RBFOX3: variants seen among roughly 807,000 people sequenced by gnomAD.
RBFOX3 encodes RNA binding fox-1 homolog 3.
RBFOX3 carries 17 observed loss-of-function variants against 48.7 expected under a neutral mutation model. The observed-to-expected ratio is 0.35, with a 90% CI of 0.24 to 0.52. The LOEUF is 0.52. RBFOX3 is among the 20% of genes least tolerant of loss of function. The pLI is 0.94. For synonymous variants in RBFOX3, 212 were observed against 209.5 expected (o/e 1.01, Z -0.10); for missense variants, 382 against 497.5 (o/e 0.77, Z 2.21).
At chr17:79,412,437 GTGAT>G (rs1360264486) in intron 2 of RBFOX3, among the ~76,000 whole-genome samples, 1 of 151,986 alleles carries the variant, frequency 6.6e-6, no homozygotes, top group African/African-American at 2.4e-5. Context: ...ATACATGTGT[GTGAT>G]ATGTGTGAGC....
chr17:79,261,703 G>A (rs927002046), intron 3 of RBFOX3, among the ~76,000 whole-genome samples: 45 of 152,326 alleles, frequency 3.0e-4, no homozygotes, highest in African/African-American at 1.1e-3. Context: ...CGGGTGGGCG[G>A]CAGGACCCTC....
intron 2 of RBFOX3, among the ~76,000 whole-genome samples, chr17:79,447,394 T>G (rs7218077): frequency 0.089 from 13,577 of 152,266 alleles, 862 homozygotes; most frequent in Non-Finnish European, 0.13. Context: ...CCTCCACAGA[T>G]GCCGTGTTTG....
intron 2 of RBFOX3, among the ~76,000 whole-genome samples, chr17:79,470,607 C>T (rs1313690161): frequency 1.3e-5 from 2 of 152,234 alleles, no homozygotes; most frequent in Non-Finnish European, 2.9e-5. Flanking sequence ...CCTCAGCCCC[C>T]AAGGGTGTGC....
In RBFOX3 at chr17:79,544,975, CAAAAAAAAAA is replaced by C. The variant is rs10584963; in HGVS notation, c.-319-62387_-319-62378del. Among the ~76,000 whole-genome samples, 6 of 81,642 alleles carry C rather than the reference CAAAAAAAAAA, an allele frequency of 7.3e-5. No homozygotes were observed. The Admixed American group carries it at 7.6e-4, about 10-fold the overall frequency. 53.6% of individuals were successfully genotyped at this position (81,642 alleles called of 152,430 possible). ...CCACCACCCACCACATCATTAAGGGCAAAAAAAAAAAAAAAAAAAGAGAAAGAAAGAGAAA... is the reference window on the plus strand; with the variant it reads ...CCACCACCCACCACATCATTAAGGGCAAAAAAAAAGAGAAAGAAAGAGAAA... On this transcript the variant is annotated intron_variant, in intron 1 of 14. Transcript: ENST00000693108.
chr17:79,244,120 T>C (rs2062790458), intron 3 of RBFOX3, among the ~76,000 whole-genome samples: 2 of 152,166 alleles, frequency 1.3e-5, no homozygotes, highest in African/African-American at 2.4e-5. Flanking sequence ...AAACAGGTTC[T>C]TTGCAAATGT....
intron 3 of RBFOX3, among the ~76,000 whole-genome samples, chr17:79,287,817 C>A (rs73411814): frequency 6.6e-6 from 1 of 152,156 alleles, no homozygotes; most frequent in Non-Finnish European, 1.5e-5. Flanking sequence ...CTGTGCTGAC[C>A]GCCTGGCCTC....
Position 79,412,344 on chromosome 17 carries a change from T to TTGTG in RBFOX3, c.-175+70106_-175+70109dup, listed in dbSNP as rs370150928. Reference sequence around the variant, plus strand: ...AATGTGTGTGGTGTGTATGCACATGTTGTGATATGTGTGGTGTGTATGCAC... The same window carrying TTGTG: ...AATGTGTGTGGTGTGTATGCACATGTTGTGTGTGATATGTGTGGTGTGTATGCAC... On this transcript the variant is annotated intron_variant, in intron 2 of 14. Transcript: ENST00000693108. 3.5e-3 allele frequency among the ~76,000 whole-genome samples: 534 copies of TTGTG among 151,916 alleles called. 2 individuals carry two copies. The highest frequency in any genetic ancestry group is 0.012 in the African/African-American group (512 of 41,298).
intron 2 of RBFOX3, among the ~76,000 whole-genome samples, chr17:79,472,703 C>G (rs1341417807): frequency 6.6e-6 from 1 of 152,178 alleles, no homozygotes. Context: ...CCCAAGCCGA[C>G]CACACACCTC....
intron 2 of RBFOX3, among the ~76,000 whole-genome samples, chr17:79,358,949 G>A (rs1004277163): frequency 1.3e-5 from 2 of 152,186 alleles, no homozygotes; most frequent in African/African-American, 2.4e-5. Context: ...GCCCCCAGAG[G>A]GCTCGCGCAG....
chr17:79,392,193 C>T lies in RBFOX3; in HGVS notation c.-174-84369G>A, dbSNP rs1242541200. Reference sequence around the variant, plus strand: ...ACAGTAAAGAAAACTGGGGCAGCCTCCTCACCCCCGTCTCTTTTCTCAGTG... The same window carrying T: ...ACAGTAAAGAAAACTGGGGCAGCCTTCTCACCCCCGTCTCTTTTCTCAGTG... On this transcript the variant is annotated intron_variant, in intron 2 of 14. Transcript: ENST00000693108. The surrounding 1 kb of genome is among the most constrained non-coding windows in gnomAD (Gnocchi z 5.0). Among the ~76,000 whole-genome samples the T allele has an allele frequency of 6.6e-6, 1 of 152,156 alleles. No homozygotes were observed. The highest frequency in any genetic ancestry group is 1.5e-5 in the Non-Finnish European group (1 of 68,030).
At chr17:79,630,418 A>G in the RBFOX3 span, among the ~76,000 whole-genome samples, 1 of 152,174 alleles carries the variant, frequency 6.6e-6, no homozygotes. Flanking sequence ...AACGTGTTGC[A>G]TAAGAGCCAC....
chr17:79,565,273 C>T (rs2092413234), intron 1 of RBFOX3, among the ~76,000 whole-genome samples: 1 of 151,384 alleles, frequency 6.6e-6, no homozygotes, highest in Non-Finnish European at 1.5e-5. Flanking sequence ...CTACTTTTTG[C>T]AAAGAGACAC....
At chr17:79,651,579 T>C in the RBFOX3 span, among the ~76,000 whole-genome samples, 1 of 151,760 alleles carries the variant, frequency 6.6e-6, no homozygotes, top group South Asian at 2.1e-4. Context: ...GCAGCTTCCA[T>C]CTTGGTTTGT....
In RBFOX3 at chr17:79,311,060, G is replaced by A. The variant is rs2076783572; in HGVS notation, c.-174-3236C>T. ...TGGGTGGGTGGGCTTCATCCAGTCA[G>A]TCGAAAGGCTTCATCCGGTCAGTTA... On this transcript the variant is annotated intron_variant, in intron 2 of 14. Coordinates refer to ENST00000693108, the MANE Select transcript of RBFOX3 (RefSeq NM_001350451.2). This position sits in a 1 kb window ranked among gnomAD's most constrained non-coding sequence, Gnocchi z 4.2. Among the ~76,000 whole-genome samples, 1 of 152,156 alleles carries A rather than the reference G, an allele frequency of 6.6e-6. No homozygotes were observed. The highest frequency in any genetic ancestry group is 2.4e-5 in the African/African-American group (1 of 41,436).
intron 2 of RBFOX3, among the ~76,000 whole-genome samples, chr17:79,340,027 G>A (rs1024090052): frequency 2.6e-5 from 4 of 152,152 alleles, no homozygotes; most frequent in Non-Finnish European, 4.4e-5. Context: ...GGCCGGGCAC[G>A]GCGGCTCACA....
intron 1 of RBFOX3, among the ~76,000 whole-genome samples, chr17:79,519,892 C>T (rs1173792321): frequency 1.3e-5 from 2 of 152,168 alleles, no homozygotes; most frequent in African/African-American, 2.4e-5. Context: ...GGCTGGTCCC[C>T]GGGACCCTGC....
At chr17:79,633,742 T>C in the RBFOX3 span, among the ~76,000 whole-genome samples, 1 of 152,198 alleles carries the variant, frequency 6.6e-6, no homozygotes, top group South Asian at 2.1e-4. Flanking sequence ...CATCGGAGGC[T>C]GCTCTCGGCA....
chr17:79,404,814 A>ACC (rs1487985497), intron 2 of RBFOX3, among the ~76,000 whole-genome samples: 1 of 151,848 alleles, frequency 6.6e-6, no homozygotes, highest in African/African-American at 2.4e-5. Context: ...CTGCCTTCCT[A>ACC]CCCCACACCA....
intron 4 of RBFOX3, among the ~76,000 whole-genome samples, chr17:79,162,285 T>C (rs1375356890): frequency 6.7e-6 from 1 of 149,818 alleles, no homozygotes; most frequent in Non-Finnish European, 1.5e-5. Flanking sequence ...CTTGCAGTCA[T>C]GGGGCCGCCT....
Sources: allele counts gnomAD v4.1 joint callset (sites outside exome capture counted in the v4.1 genomes callset), GRCh38; gene constraint gnomAD v4.1.1; non-coding constraint Gnocchi (gnomAD v3.1); transcripts MANE v1.5; gene names NCBI Gene and HGNC (gene_info 2026-07-23, HGNC 2026-07-21).